Variants in ARHGAP18 observed in about 807,000 individuals in gnomAD.
The protein encoded by ARHGAP18 is rho GTPase-activating protein 18.
In ARHGAP18, 67 loss-of-function variants were observed where a neutral mutation model predicts 86.2. The observed-to-expected ratio is 0.78, with a 90% CI of 0.64 to 0.95. ARHGAP18 has a LOEUF of 0.95. Ranked by LOEUF, ARHGAP18 falls within the 40% of genes least tolerant of loss-of-function variation. The pLI is 0.00. For missense variants in ARHGAP18, 691 were observed against 780.4 expected, an observed-to-expected ratio of 0.89 and a Z score of 1.37; for synonymous variants, 283 against 280.4, an observed-to-expected ratio of 1.01 and a Z score of -0.09.
At chr6:129,613,542 G>C (rs997489481) in intron 7 of ARHGAP18, among the ~76,000 whole-genome samples, 2 of 152,162 alleles carry the variant, frequency 1.3e-5, no homozygotes, top group African/African-American at 4.8e-5. Flanking sequence ...CTTTCATTAA[G>C]TACACAGGAA....
chr6:129,609,071 G>A (rs185143603), intron 8 of ARHGAP18, among the ~76,000 whole-genome samples: 1,512 of 145,188 alleles, frequency 0.01, 7 homozygotes, highest in Non-Finnish European at 0.016. Flanking sequence ...GAAGGAAGAG[G>A]AGAGAGAGGG....
At chr6:129,587,079 T>C (rs1256147585) in intron 12 of ARHGAP18, among the ~76,000 whole-genome samples, 2 of 152,226 alleles carry the variant, frequency 1.3e-5, no homozygotes, top group Non-Finnish European at 2.9e-5. Flanking sequence ...AAATGAATCA[T>C]TCAAAATTAC....
chr6:129,641,311 G>A (rs1199078822), intron 2 of ARHGAP18, among the ~76,000 whole-genome samples: 1 of 152,152 alleles, frequency 6.6e-6, no homozygotes, highest in African/African-American at 2.4e-5. Context: ...AAAAATAGAA[G>A]AGCCTTCTTC....
intron 5 of ARHGAP18, among the ~76,000 whole-genome samples, chr6:129,624,503 G>T (rs979564745): frequency 2.0e-5 from 3 of 151,744 alleles, no homozygotes; most frequent in African/African-American, 7.3e-5. Flanking sequence ...GTGACAGAGC[G>T]AGATTCCATC....
chr6:129,645,005 T>C (rs1417205754), intron 1 of ARHGAP18, among the ~76,000 whole-genome samples: 2 of 152,104 alleles, frequency 1.3e-5, no homozygotes, highest in Non-Finnish European at 2.9e-5. Flanking sequence ...TCTTTTTCTT[T>C]TGTCTGTATT....
intron 1 of ARHGAP18, among the ~76,000 whole-genome samples, chr6:129,707,662 T>A (rs1306431083): frequency 4.6e-4 from 69 of 149,946 alleles, no homozygotes; most frequent in Non-Finnish European, 7.4e-4. Flanking sequence ...TTTTTTTTTT[T>A]TTTTTGTATT....
chr6:129,602,102 G>C (rs1263468648), intron 10 of ARHGAP18, among the ~76,000 whole-genome samples: 4 of 152,032 alleles, frequency 2.6e-5, no homozygotes, highest in Non-Finnish European at 5.9e-5. Context: ...ATGACTTAAG[G>C]CTTCAGATTT....
chr6:129,625,921 G>T (rs192580913), intron 5 of ARHGAP18, among the ~76,000 whole-genome samples: 19,656 of 47,242 alleles, frequency 0.42, 2,933 homozygotes, highest in Non-Finnish European at 0.47. Flanking sequence ...ATATATTATA[G>T]ATATTTATAT....
rs192605509 is a variant in ARHGAP18, at chr6:129,627,567, T to G, written c.786+1786A>C. Among the ~76,000 whole-genome samples, 21 of 151,584 alleles carry G rather than the reference T, an allele frequency of 1.4e-4. No homozygotes were observed. In the East Asian group the frequency reaches 3.7e-3, roughly 27 times the overall value. On this transcript the variant is annotated intron_variant, in intron 5 of 14. Transcript: ENST00000368149. ...GGGGAATAGTCAGAGGGGGAAACTC[T>G]CCACAATTTAATAACCACGTTTCTT...
chr6:129,580,396 G>A (rs1788263944), intron 13 of ARHGAP18, among the ~76,000 whole-genome samples: 1 of 152,148 alleles, frequency 6.6e-6, no homozygotes, highest in South Asian at 2.1e-4. Flanking sequence ...AAATTCAAAA[G>A]AAAAGTTAAT....
chr6:129,600,038 C>T (rs1788706020), intron 11 of ARHGAP18, among the ~76,000 whole-genome samples: 1 of 152,010 alleles, frequency 6.6e-6, no homozygotes, highest in South Asian at 2.1e-4. Context: ...TAAATATCAT[C>T]ACTCTGTCTT....
At chr6:129,614,843 G>A (rs1445528231) in intron 7 of ARHGAP18, among the ~76,000 whole-genome samples, 2 of 148,764 alleles carry the variant, frequency 1.3e-5, no homozygotes, top group Non-Finnish European at 3.0e-5. Flanking sequence ...CATCCAAACA[G>A]TTGAAGGCCT....
chr6:129,636,358 A>G (rs1773333950), intron 3 of ARHGAP18, among the ~76,000 whole-genome samples: 1 of 152,260 alleles, frequency 6.6e-6, no homozygotes, highest in African/African-American at 2.4e-5. Context: ...GAGTGTCTAC[A>G]TGACAGGAAG....
At chr6:129,686,972 T>TCC (rs1207164146) in intron 1 of ARHGAP18, among the ~76,000 whole-genome samples, 1 of 50,720 alleles carries the variant, frequency 2.0e-5, no homozygotes, top group Non-Finnish European at 4.4e-5. Flanking sequence ...TTTTTCTTTT[T>TCC]TTTTTCTTTT....
At chr6:129,649,553 C>CAAAAAAAAAAAAAAAAAAAAA (rs35700328) in intron 1 of ARHGAP18, among the ~76,000 whole-genome samples, 1 of 49,990 alleles carries the variant, frequency 2.0e-5, no homozygotes, top group Non-Finnish European at 3.7e-5. Context: ...TCTCTGTCTC[C>CAAAAAAAAAAAAAAAAAAAAA]AAAAAAAAAA....
At chr6:129,616,672 G>T (rs751964015) in intron 6 of ARHGAP18, among the ~76,000 whole-genome samples, 23 of 152,276 alleles carry the variant, frequency 1.5e-4, no homozygotes, top group Admixed American at 3.3e-4. Context: ...TATTGGCCAG[G>T]TGCAGTGGCT....
intron 1 of ARHGAP18, among the ~76,000 whole-genome samples, chr6:129,699,205 A>T (rs1374382021): frequency 6.6e-6 from 1 of 152,222 alleles, no homozygotes; most frequent in Non-Finnish European, 1.5e-5. Flanking sequence ...TAAAGTCACA[A>T]GAATGTATGT....
At chr6:129,581,198 G>A (rs946093345) in intron 13 of ARHGAP18, among the ~76,000 whole-genome samples, 6 of 152,138 alleles carry the variant, frequency 3.9e-5, no homozygotes, top group Non-Finnish European at 1.5e-5. Context: ...CAAGCCATTA[G>A]GAAGAGCATG....
intron 1 of ARHGAP18, among the ~76,000 whole-genome samples, chr6:129,675,175 G>T (rs1209305888): frequency 1.3e-5 from 2 of 152,120 alleles, no homozygotes; most frequent in African/African-American, 4.8e-5. Context: ...ATGTCACATT[G>T]TAAGTGGGAG....
Sources: gnomAD v4.1 joint callset for allele counts (sites outside exome capture counted in the v4.1 genomes callset) on GRCh38, gnomAD v4.1.1 for gene constraint, MANE v1.5 for transcripts, NCBI Gene and HGNC (gene_info 2026-07-23, HGNC 2026-07-21) for gene names.